Variants in MANSC4 observed in about 807,000 individuals in gnomAD.
The protein encoded by MANSC4 is MANSC domain-containing protein 4.
A neutral mutation model predicts 11.4 loss-of-function variants in MANSC4; 11 were observed. The observed-to-expected ratio is 0.97, with a 90% CI of 0.61 to 1.60. The LOEUF is 1.60. Among genes scored for constraint, MANSC4 ranks in the 40% most tolerant of loss-of-function variants. MANSC4 has a pLI of 0.00. For synonymous variants in MANSC4, 123 were observed against 147.1 expected (o/e 0.84, Z 1.19); for missense variants, 354 against 404.6 (o/e 0.88, Z 1.07).
In MANSC4 at chr12:27,777,991, C is replaced by T. The variant is rs201283751; in HGVS notation, c.-307+2219G>A. Among the ~76,000 whole-genome samples the T allele has an allele frequency of 8.6e-5, 13 of 151,674 alleles. No homozygotes were observed. The East Asian group carries it at 1.6e-3, about 18-fold the overall frequency. The stretch of plus-strand genomic sequence containing the variant: ...CTGTAATCCCAGCACTTTGGGAGGC[C>T]GAGGTGGGTGGATCACGTGAGGTCG... On this transcript the variant is annotated intron_variant, in intron 1 of 3. Transcript: ENST00000381273.
intron 2 of MANSC4, among the ~76,000 whole-genome samples, chr12:27,767,357 C>T (rs2062076730): frequency 6.6e-6 from 1 of 152,120 alleles, no homozygotes. Flanking sequence ...TGGAATCATT[C>T]ATTATTTCCT....
intron 3 of MANSC4, among the ~76,000 whole-genome samples, chr12:27,765,816 C>A (rs894439440): frequency 5.9e-5 from 9 of 152,050 alleles, no homozygotes; most frequent in Admixed American, 2.6e-4. Context: ...ATTTTGATGG[C>A]AAAAATCTGT....
Position 27,771,352 on chromosome 12 carries a change from C to T in MANSC4, c.-76G>A, listed in dbSNP as rs2062100293. On this transcript the variant is annotated 5_prime_UTR_variant, in exon 2 of 4. Transcript: ENST00000381273. ...GCTGAACACTGGAGTTTAGGACAGT[C>T]TCTGGAACGTCAGAGGTGTTGTTAA... The T allele has an allele frequency of 7.6e-7, 1 of 1,311,044 alleles. No homozygotes were observed. The highest frequency in any genetic ancestry group is 1.0e-6 in the Non-Finnish European group (1 of 955,678). The allele number at this position is 1,311,044 out of a possible 1,614,324, so 81.2% of individuals were successfully genotyped here.
At chr12:27,765,957 G>A (rs1485592620) in intron 3 of MANSC4, among the ~76,000 whole-genome samples, 1 of 152,088 alleles carries the variant, frequency 6.6e-6, no homozygotes, top group Non-Finnish European at 1.5e-5. Flanking sequence ...ATGGTGGTAA[G>A]TTTCCCTGAA....
At chr12:27,767,042 C>A (rs1448229997) in intron 2 of MANSC4, among the ~76,000 whole-genome samples, 2 of 152,040 alleles carry the variant, frequency 1.3e-5, no homozygotes, top group Non-Finnish European at 2.9e-5. Flanking sequence ...TGCAGTGGTG[C>A]GATTACAGCT....
intron 1 of MANSC4, among the ~76,000 whole-genome samples, chr12:27,772,704 A>C (rs1172670935): frequency 6.6e-6 from 1 of 152,234 alleles, no homozygotes; most frequent in East Asian, 1.9e-4. Context: ...TCACCTGCAA[A>C]GACTCAGACA....
chr12:27,768,147 C>T (rs181530933), intron 2 of MANSC4, among the ~76,000 whole-genome samples: 77 of 152,184 alleles, frequency 5.1e-4, no homozygotes, highest in African/African-American at 1.7e-3. Context: ...ACCTGTAATC[C>T]TAGTACTTTG....
In MANSC4 at chr12:27,766,806, G is replaced by C; in HGVS notation, c.230-7C>G. 6.5e-7 allele frequency: 1 copy of C among 1,550,228 alleles called. No homozygotes were observed. Among genetic ancestry groups the C allele is most frequent in the Non-Finnish European group, 8.7e-7 (1 of 1,146,632 alleles). On this transcript the variant is annotated splice_region_variant and splice_polypyrimidine_tract_variant and intron_variant, in intron 2 of 3. Transcript: ENST00000381273. ...ACAGCCAGGTTACAGGAAACTGAAA[G>C]GGAAACAAGCGAAGTACATCTGCAG...
At chr12:27,766,920 A>T (rs377227363) in intron 2 of MANSC4, 121 bp from the exon 3 acceptor site, 2 of 1,006,522 alleles carry the variant, frequency 2.0e-6, no homozygotes, top group East Asian at 2.6e-5. Context: ...TCAGGGCAAT[A>T]TGCAGACATT....
rs531866924 is a variant in MANSC4 at position 27,769,539 on chromosome 12, C to T, written c.229+1509G>A. Among the ~76,000 whole-genome samples the T allele has an allele frequency of 6.6e-5, 10 of 152,274 alleles. No individual in the cohort carries two copies. In the South Asian group the frequency reaches 1.0e-3, roughly 16 times the overall value. ...TGTGGAGTCAGGTAAATTCATGCTACGGGAAAATTCAAGAAAGCGTCCTGC... is the reference window on the plus strand; with the variant it reads ...TGTGGAGTCAGGTAAATTCATGCTATGGGAAAATTCAAGAAAGCGTCCTGC... On this transcript the variant is annotated intron_variant, in intron 2 of 3. Coordinates refer to ENST00000381273, the MANE Select transcript of MANSC4 (RefSeq NM_001146221.5).
rs1173884250 is a variant in MANSC4, at chr12:27,770,909, C to T, written c.229+139G>A. 1.6e-5 allele frequency: 10 copies of T among 624,812 alleles called. No individual in the cohort carries two copies. In the Admixed American group the frequency reaches 2.5e-4, roughly 15 times the overall value. The allele number at this position is 624,812 out of a possible 1,614,324, so 38.7% of individuals were successfully genotyped here. A position where few individuals can be genotyped will look rare whatever the true frequency, so the allele number is the denominator to read the frequency against. ...CAGTTTCACTGGCTCTCTTACCTCT[C>T]CCTCTCTCTCCCACACCCTAGGGCA... On this transcript the variant is annotated intron_variant, in intron 2 of 3. Coordinates refer to ENST00000381273, the MANE Select transcript of MANSC4 (RefSeq NM_001146221.5).
intron 1 of MANSC4, among the ~76,000 whole-genome samples, chr12:27,774,745 T>C (rs1002938866): frequency 2.0e-5 from 3 of 152,098 alleles, no homozygotes; most frequent in African/African-American, 7.2e-5. Flanking sequence ...AAGCAGGGGC[T>C]GGGCACGGTG....
chr12:27,774,981 G>A lies in MANSC4; in HGVS notation c.-306-3399C>T, dbSNP rs915191645. Among the ~76,000 whole-genome samples, 7 of 152,000 alleles carry A rather than the reference G, an allele frequency of 4.6e-5. No homozygotes were observed. In the East Asian group the frequency reaches 5.8e-4, roughly 13 times the overall value. On this transcript the variant is annotated intron_variant, in intron 1 of 3. Transcript: ENST00000381273. ...GGAGCTTGCAGTGAGCTGAGATCGC[G>A]CCACTGCACTCCAGCCTGGGCGACA...
intron 2 of MANSC4, among the ~76,000 whole-genome samples, chr12:27,767,700 C>CAAA (rs1162055280): frequency 8.6e-5 from 13 of 151,702 alleles, no homozygotes; most frequent in Non-Finnish European, 1.9e-4. Context: ...TCCGTCTCAA[C>CAAA]AACAACAACA....
In MANSC4 at chr12:27,762,614, G is replaced by A. The variant is rs2062051662; in HGVS notation, c.*124C>T. The A allele has an allele frequency of 1.6e-5, 15 of 953,348 alleles. No individual in the cohort carries two copies. The South Asian group carries it at 2.8e-4, about 18-fold the overall frequency. 59.1% of individuals were successfully genotyped at this position (953,348 alleles called of 1,614,324 possible). ...AAATCTACTGCCTTGGCTTCCCAAA[G>A]TTTTGGGATTACAGGCATGAACCAC... On this transcript the variant is annotated 3_prime_UTR_variant, in exon 4 of 4. Transcript: ENST00000381273.
In MANSC4 at chr12:27,763,007, G is replaced by T. The variant is rs1186602911; in HGVS notation, c.754C>A (p.Leu252Ile). 1 of 1,551,734 alleles carries T rather than the reference G, an allele frequency of 6.4e-7. No homozygotes were observed. Among genetic ancestry groups the T allele is most frequent in the Non-Finnish European group, 8.7e-7 (1 of 1,147,024 alleles). Residue 252 changes from leucine (L) to isoleucine (I), a missense_variant, in exon 4 of 4, where the codon CTC becomes ATC. By Grantham distance (5) the Leu-to-Ile change is conservative. Transcript: ENST00000381273. Reference sequence around the variant, plus strand: ...TTTAGTAATTGTTTGCTACTGTTGAGTCCAGGTGGAACAGGCATATGAGAA... The same window carrying T: ...TTTAGTAATTGTTTGCTACTGTTGATTCCAGGTGGAACAGGCATATGAGAA... ...KLSHMPVPPG[L>I]NSSKQLLNKT...
At chr12:27,770,956 T>C (rs1027307885) in intron 2 of MANSC4, 92 bp downstream of exon 2, 33 of 909,112 alleles carry the variant, frequency 3.6e-5, no homozygotes, top group Non-Finnish European at 5.2e-5. Context: ...TCTTTACAAC[T>C]GTTTACTGGC....
chr12:27,766,136 C>T (rs369921184), intron 3 of MANSC4, among the ~76,000 whole-genome samples: 2 of 151,120 alleles, frequency 1.3e-5, no homozygotes, highest in Non-Finnish European at 1.5e-5. Context: ...GGCGTGATCT[C>T]GGCTCACTGC....
At chr12:27,767,684 C>G (rs1303011522) in intron 2 of MANSC4, among the ~76,000 whole-genome samples, 1 of 151,906 alleles carries the variant, frequency 6.6e-6, no homozygotes, top group African/African-American at 2.4e-5. Flanking sequence ...GCAACAAGAG[C>G]GAAACTCCGT....
Sources: gnomAD v4.1 joint callset for allele counts (sites outside exome capture counted in the v4.1 genomes callset) on GRCh38, gnomAD v4.1.1 for gene constraint, MANE v1.5 for transcripts, NCBI Gene and HGNC (gene_info 2026-07-23, HGNC 2026-07-21) for gene names.